Variants in ARHGAP29 observed in about 807,000 individuals in gnomAD.
The protein encoded by ARHGAP29 is rho GTPase-activating protein 29.
Under a neutral mutation model 122.6 loss-of-function variants are expected in ARHGAP29, and 43 were observed. The ratio of observed to expected loss-of-function variants is 0.35; its 90% CI spans 0.27 to 0.45. ARHGAP29 has a LOEUF of 0.45. ARHGAP29 is among the 20% of genes least tolerant of loss of function. ARHGAP29 has a pLI of 1.00. For missense variants in ARHGAP29, 1,303 were observed against 1,477.2 expected (o/e 0.88, Z 1.93); for synonymous variants, 506 against 497.1 (o/e 1.02, Z -0.24).
At chr1:94,293,132 T>G in the ARHGAP29 span, among the ~76,000 whole-genome samples, 1 of 152,040 alleles carries the variant, frequency 6.6e-6, no homozygotes, top group Non-Finnish European at 1.5e-5. Context: ...TGAGCTTCCC[T>G]GCCGCTTTGT....
the ARHGAP29 span, among the ~76,000 whole-genome samples, chr1:94,306,571 G>A: frequency 3.9e-5 from 6 of 152,142 alleles, no homozygotes; most frequent in Admixed American, 1.3e-4. Flanking sequence ...TCAAAATGAG[G>A]ATCAAGACTA....
In ARHGAP29 at chr1:94,169,950, A is replaced by C. The variant is rs567343921; in HGVS notation, c.*3919T>G. ...GAATAAAGCAGGCATTCATGAATCT[A>C]TACTGATTTAAGTGAATGAAGGAAT... On this transcript the variant is annotated 3_prime_UTR_variant, in exon 23 of 23. Transcript: ENST00000260526. Among the ~76,000 whole-genome samples the C allele has an allele frequency of 6.6e-6, 1 of 152,332 alleles. No individual in the cohort carries two copies. Among genetic ancestry groups the C allele is most frequent in the Non-Finnish European group, 1.5e-5 (1 of 68,040 alleles).
chr1:94,176,938 A>T (rs988142841), intron 22 of ARHGAP29: 2 of 152,140 alleles, frequency 1.3e-5, no homozygotes, highest in Admixed American at 1.3e-4. Flanking sequence ...ATGATCACTG[A>T]TACTTGATTA....
chr1:94,245,613 C>T (rs1325362058), intron 1 of ARHGAP29, among the ~76,000 whole-genome samples: 2 of 152,138 alleles, frequency 1.3e-5, no homozygotes, highest in Non-Finnish European at 2.9e-5. Flanking sequence ...CCTTTCATTT[C>T]CTCCACTAAA....
At chr1:94,280,682 G>A in the ARHGAP29 span, among the ~76,000 whole-genome samples, 1 of 152,160 alleles carries the variant, frequency 6.6e-6, no homozygotes, top group African/African-American at 2.4e-5. Context: ...TGAATACATG[G>A]ATGAGAGCCA....
chr1:94,210,861 C>A (rs1372866220), intron 3 of ARHGAP29, among the ~76,000 whole-genome samples: 4 of 149,112 alleles, frequency 2.7e-5, no homozygotes, highest in Non-Finnish European at 4.4e-5. Context: ...TATAACTGCA[C>A]CACTGCACTC....
At chr1:94,308,585 A>AT in the ARHGAP29 span, among the ~76,000 whole-genome samples, 3 of 152,110 alleles carry the variant, frequency 2.0e-5, no homozygotes, top group Non-Finnish European at 4.4e-5. Flanking sequence ...TCACGTCATC[A>AT]TTTTTTTGGT....
At chr1:94,211,288 A>C (rs942376039) in intron 3 of ARHGAP29, among the ~76,000 whole-genome samples, 86 of 32,410 alleles carry the variant, frequency 2.7e-3, no homozygotes, top group African/African-American at 6.5e-3. Flanking sequence ...CTCTGGCTCC[A>C]AAAAAAAAAA....
intron 1 of ARHGAP29, among the ~76,000 whole-genome samples, chr1:94,257,690 C>T (rs1376324163): frequency 6.6e-6 from 1 of 152,016 alleles, no homozygotes; most frequent in Non-Finnish European, 1.5e-5. Flanking sequence ...ACCTGAGTGA[C>T]AGAGGGAGAT....
At chr1:94,243,306 G>T (rs986649349) in intron 1 of ARHGAP29, among the ~76,000 whole-genome samples, 1 of 151,978 alleles carries the variant, frequency 6.6e-6, no homozygotes, top group African/African-American at 2.4e-5. Flanking sequence ...GGGATAAAAA[G>T]AAGTCCCAAT....
Position 94,185,331 on chromosome 1 carries a change from A to T in ARHGAP29, c.1920+11T>A, listed in dbSNP as rs768971634. 1.3e-6 allele frequency: 2 copies of T among 1,565,486 alleles called. No individual in the cohort carries two copies. Among genetic ancestry groups the T allele is most frequent in the East Asian group, 2.3e-5 (1 of 43,712 alleles). On this transcript the variant is annotated intron_variant, in intron 17 of 22. Transcript: ENST00000260526. ...CATAAAAGGGTCAACACAATTCCAC[A>T]AAGATCTTACCTCTTCACATTCAAC... is the stretch of plus-strand genomic sequence containing the variant.
At chr1:94,207,816 C>A (rs541136074) in intron 5 of ARHGAP29, among the ~76,000 whole-genome samples, 4 of 151,688 alleles carry the variant, frequency 2.6e-5, no homozygotes, top group Admixed American at 6.6e-5. Context: ...GTCCCTGGCA[C>A]GTTTCCAAAT....
upstream of ARHGAP29, among the ~76,000 whole-genome samples, chr1:94,239,198 A>T (rs185956209): frequency 3.9e-5 from 6 of 152,328 alleles, no homozygotes; most frequent in East Asian, 1.2e-3. Context: ...ATAAGAGGAG[A>T]CAAAGGAGTC....
At chr1:94,276,256 T>TG (rs1655184027), upstream of ARHGAP29, among the ~76,000 whole-genome samples, 1 of 149,540 alleles carries the variant, frequency 6.7e-6, no homozygotes, top group South Asian at 2.1e-4. Context: ...AGACTCTGTC[T>TG]CAAAAAAAAA....
intron 1 of ARHGAP29, among the ~76,000 whole-genome samples, chr1:94,249,704 T>C (rs1457578397): frequency 1.3e-5 from 2 of 151,968 alleles, no homozygotes; most frequent in Non-Finnish European, 2.9e-5. Flanking sequence ...TGAGCTGAGA[T>C]TGTGCCATTG....
chr1:94,253,749 C>T, intron 1 of ARHGAP29, among the ~76,000 whole-genome samples: 1 of 152,192 alleles, frequency 6.6e-6, no homozygotes, highest in East Asian at 1.9e-4. Flanking sequence ...GGAAACATTA[C>T]TAATATTTCT....
rs776739108 is a variant in ARHGAP29 at position 94,178,124 on chromosome 1, A to G, written c.2524T>C (p.Leu842=). Residue 842 remains leucine, a synonymous_variant, in exon 21 of 23, where the codon TTG becomes CTG. Transcript: ENST00000260526. ...AGACTTGGTCCAAATATCACCCCCA[A>G]GTTTTTGGAGTTCATCTTGTTTTCT... is the stretch of plus-strand genomic sequence containing the variant. The part of the protein sequence containing the change: ...AEENKMNSKN[L]GVIFGPSLIR... 6.2e-7 allele frequency: 1 copy of G among 1,614,002 alleles called. No individual in the cohort carries two copies. The highest frequency in any genetic ancestry group is 8.5e-7 in the Non-Finnish European group (1 of 1,179,944).
At chr1:94,218,256 T>C (rs185449862) in intron 3 of ARHGAP29, among the ~76,000 whole-genome samples, 10 of 152,308 alleles carry the variant, frequency 6.6e-5, no homozygotes, top group Admixed American at 2.6e-4. Context: ...TCTAGTCTCA[T>C]AGAGTTCTAC....
intron 1 of ARHGAP29, among the ~76,000 whole-genome samples, chr1:94,263,472 G>T (rs896523393): frequency 6.6e-6 from 1 of 152,022 alleles, no homozygotes; most frequent in Non-Finnish European, 1.5e-5. Flanking sequence ...AACAATGTTA[G>T]ACATCATGCA....
Sources: gnomAD v4.1 joint callset for allele counts (sites outside exome capture counted in the v4.1 genomes callset) on GRCh38, gnomAD v4.1.1 for gene constraint, MANE v1.5 for transcripts, NCBI Gene and HGNC (gene_info 2026-07-23, HGNC 2026-07-21) for gene names.